NOTCH4: variants seen among roughly 807,000 people sequenced by gnomAD.
NOTCH4 encodes neurogenic locus notch homolog protein 4.
Under a neutral mutation model 189.0 loss-of-function variants are expected in NOTCH4, and 138 were observed. The ratio of observed to expected loss-of-function variants is 0.73; its 90% CI spans 0.64 to 0.84. The LOEUF (loss-of-function observed/expected upper bound fraction) is 0.84. Ranked by LOEUF, NOTCH4 falls within the 40% of genes least tolerant of loss-of-function variation. The pLI is 0.00. For synonymous variants in NOTCH4, 942 were observed against 1,032.8 expected, an observed-to-expected ratio of 0.91 and a Z score of 1.69; for missense variants, 2,286 against 2,605.4, an observed-to-expected ratio of 0.88 and a Z score of 2.67.
Position 32,217,573 on chromosome 6 carries a change from G to A in NOTCH4, c.1625-307C>T, listed in dbSNP as rs1204234896. 3.3e-5 allele frequency among the ~76,000 whole-genome samples: 5 copies of A among 152,228 alleles called. No homozygotes were observed. The highest frequency in any genetic ancestry group is 7.3e-5 in the Non-Finnish European group (5 of 68,040). On this transcript the variant is annotated intron_variant, in intron 9 of 29. Transcript: ENST00000375023. The surrounding 1 kb of genome is among the most constrained non-coding windows in gnomAD (Gnocchi z 4.2). ...GATTAAATGACATAACGCCTGAAAA[G>A]TACTCAGCCAAATGGCTAGCCTGGA... is the stretch of plus-strand genomic sequence containing the variant.
rs1789965672 is a variant in NOTCH4, at chr6:32,223,932, ACAGCCCCTTCTC to A, written c.-16_-5del. 1.3e-6 allele frequency: 2 copies of A among 1,595,566 alleles called. No individual in the cohort carries two copies. Among genetic ancestry groups the A allele is most frequent in the Non-Finnish European group, 1.7e-6 (2 of 1,176,556 alleles). ...GCAGCAGTGAAGGGGGCTGCATTCC[ACAGCCCCTTCTC>A]CAAGCCCCGGTCCCTGTCCCTCTTC... On this transcript the variant is annotated 5_prime_UTR_variant, in exon 1 of 30. Transcript: ENST00000375023.
In NOTCH4 at chr6:32,222,628, C is replaced by T. The variant is rs765988217; in HGVS notation, c.334G>A (p.Glu112Lys). The T allele has an allele frequency of 3.7e-6, 6 of 1,606,470 alleles. No individual in the cohort carries two copies. The highest frequency in any genetic ancestry group is 1.1e-5 in the South Asian group (1 of 90,190). Residue 112 changes from glutamate to lysine, a missense_variant, in exon 3 of 30, where the codon GAG becomes AAG. By Grantham distance (56) the Glu-to-Lys change is moderately conservative (BLOSUM62 1). Coordinates refer to ENST00000375023, the MANE Select transcript of NOTCH4 (RefSeq NM_004557.4). ...LCTCLPGFTG[E>K]RCQAKLEDPC... ...TCTTCAAGCTTGGCCTGGCATCTCT[C>T]ACCAGTGAAGCCAGGGAGGCAAGTG... is the stretch of plus-strand genomic sequence containing the variant.
Position 32,202,753 on chromosome 6 carries a change from G to A in NOTCH4, c.3232-154C>T. On this transcript the variant is annotated intron_variant, in intron 20 of 29. Coordinates refer to ENST00000375023, the MANE Select transcript of NOTCH4 (RefSeq NM_004557.4). The surrounding 1 kb of genome is among the most constrained non-coding windows in gnomAD (Gnocchi z 5.7). ...GCATCAAGTTAATCATTTTGTGGAT[G>A]TTGAAACCATGTCCTGTGGTAATTT... 1.6e-6 allele frequency: 1 copy of A among 635,546 alleles called. No homozygotes were observed. Among genetic ancestry groups the A allele is most frequent in the Non-Finnish European group, 2.6e-6 (1 of 381,176 alleles). 39.4% of individuals were successfully genotyped at this position (635,546 alleles called of 1,614,324 possible). A position where few individuals can be genotyped will look rare whatever the true frequency, so the allele number is the denominator to read the frequency against.
chr6:32,222,441 A>G, intron 3 of NOTCH4, 70 bp downstream of exon 3: 3 of 1,364,822 alleles, frequency 2.2e-6, no homozygotes, highest in Non-Finnish European at 2.9e-6. Flanking sequence ...CTCCAGTTCT[A>G]TCTTCCCCAC....
chr6:32,222,583 A>T lies in NOTCH4; in HGVS notation c.379T>A (p.Cys127Ser). The change falls in exon 3 of 30, where the codon TGT (cysteine) becomes AGT (serine). Residue 127 changes from cysteine (C) to serine (S), a missense_variant. This residue lies in a region of NOTCH4 where 1,903 missense variants were observed against 2,261.9 expected (regional missense o/e 0.84). Coordinates refer to ENST00000375023, the MANE Select transcript of NOTCH4 (RefSeq NM_004557.4). ...KLEDPCPPSF[C>S]SKRGRCHIQA... ...ATGTGGCAGCGGCCCCTTTTGGAAC[A>T]GAAGGAGGGAGGACAAGGGTCTTCA... is the stretch of plus-strand genomic sequence containing the variant. 1 of 1,591,600 alleles carries T rather than the reference A, an allele frequency of 6.3e-7. No individual in the cohort carries two copies. The highest frequency in any genetic ancestry group is 8.5e-7 in the Non-Finnish European group (1 of 1,172,570).
At position 32,201,511 on chromosome 6, in the gene NOTCH4, A is replaced by G. The variant is rs9404991; in HGVS notation, c.3756-11T>C. 7.5e-5 allele frequency: 110 copies of G among 1,468,440 alleles called. No homozygotes were observed. The East Asian group carries it at 2.5e-3, about 34-fold the overall frequency. 91.0% of individuals were successfully genotyped at this position (1,468,440 alleles called of 1,614,324 possible). On this transcript the variant is annotated splice_polypyrimidine_tract_variant and intron_variant, in intron 21 of 29. Transcript: ENST00000375023. This position sits in a 1 kb window ranked among gnomAD's most constrained non-coding sequence, Gnocchi z 5.5. ...TGGTCATAGGCTGGACTGTGGGGTA[A>G]GGAGAGGGGGACTCAGGACCTCCCT...
In NOTCH4 at chr6:32,220,433, G is replaced by A. The variant is rs1789681038; in HGVS notation, c.1131C>T (p.Phe377=). The A allele has an allele frequency of 1.9e-6, 3 of 1,614,106 alleles. No individual in the cohort carries two copies. The highest frequency in any genetic ancestry group is 1.1e-5 in the South Asian group (1 of 91,088). ...GSTCIDRVGS[F]SCLCPPGRTG... ...TGCGTCCAGGTGGGCAGAGGCAGGA[G>A]AAAGAGCCCACCCGGTCAATGCAGG... Residue 377 remains phenylalanine, a synonymous_variant, in exon 6 of 30, where the codon TTC becomes TTT. Coordinates refer to ENST00000375023, the MANE Select transcript of NOTCH4 (RefSeq NM_004557.4).
Position 32,208,741 on chromosome 6 carries a change from G to GA in NOTCH4, c.2865+2010dup, listed in dbSNP as rs1028238475. Among the ~76,000 whole-genome samples the GA allele has an allele frequency of 1.1e-4, 17 of 151,986 alleles. No homozygotes were observed. The East Asian group carries it at 1.5e-3, about 14-fold the overall frequency. On this transcript the variant is annotated intron_variant, in intron 18 of 29. Coordinates refer to ENST00000375023, the MANE Select transcript of NOTCH4 (RefSeq NM_004557.4). ...ACAGCAAGACTCTGTCTCAGAAAAG[G>GA]AAAAAAAATGCAAAAAATAGCAGAT... is the stretch of plus-strand genomic sequence containing the variant.
Position 32,220,447 on chromosome 6 carries a change from G to A in NOTCH4, c.1117C>T (p.Arg373Trp), listed in dbSNP as rs141058087. The change falls in exon 6 of 30, where the codon CGG (arginine) becomes TGG (tryptophan). Residue 373 changes from arginine (R) to tryptophan (W), a missense_variant. Coordinates refer to ENST00000375023, the MANE Select transcript of NOTCH4 (RefSeq NM_004557.4). ...TCAPGSTCID[R>W]VGSFSCLCPP... ...CAGAGGCAGGAGAAAGAGCCCACCC[G>A]GTCAATGCAGGTGGATCCCGGGGCA... 4.2e-5 allele frequency: 68 copies of A among 1,613,848 alleles called. No homozygotes were observed. The African/African-American group carries it at 6.0e-4, about 14-fold the overall frequency.
In NOTCH4 at chr6:32,212,417, G is replaced by C. The variant is rs1789077372; in HGVS notation, c.2680+57C>G. ...TGTGGAAGCCCACAGGAACGGGGCA[G>C]GTGAGAACACCCATATTTTCTTCAT... On this transcript the variant is annotated intron_variant, in intron 17 of 29. Transcript: ENST00000375023. This position sits in a 1 kb window ranked among gnomAD's most constrained non-coding sequence, Gnocchi z 4.4. 6.6e-7 allele frequency: 1 copy of C among 1,521,272 alleles called. No homozygotes were observed. Among genetic ancestry groups the C allele is most frequent in the African/African-American group, 1.4e-5 (1 of 72,592 alleles). 94.2% of individuals were successfully genotyped at this position (1,521,272 alleles called of 1,614,324 possible).
chr6:32,217,218 G>C lies in NOTCH4; in HGVS notation c.1673C>G (p.Ser558Cys). 6.2e-7 allele frequency: 1 copy of C among 1,613,092 alleles called. No individual in the cohort carries two copies. The highest frequency in any genetic ancestry group is 8.5e-7 in the Non-Finnish European group (1 of 1,180,024). ...GCACTGCCCACCATTGGCACAGGGA[G>C]AGCTTCTGCACTCATCGATATCCTC... ...CEEDIDECRS[S>C]PCANGGQCQD... The change falls in exon 10 of 30, where the codon TCT (serine) becomes TGT (cysteine). Residue 558 changes from serine (S) to cysteine (C), a missense_variant. Around this residue, in one of 2 missense-constraint regions of NOTCH4, gnomAD observed 1,903 missense variants for 2,261.9 expected, o/e 0.84. Transcript: ENST00000375023. The surrounding 1 kb of genome is among the most constrained non-coding windows in gnomAD (Gnocchi z 4.2).
chr6:32,211,085 C>A, intron 17 of NOTCH4, 149 bp from the exon 18 acceptor site: 1 of 696,184 alleles, frequency 1.4e-6, no homozygotes, highest in Non-Finnish European at 2.2e-6. Context: ...ATGGGGAAAC[C>A]CCGTCTCTAC....
In NOTCH4 at chr6:32,219,577, C is replaced by T; in HGVS notation, c.1510+15G>A. 6.2e-7 allele frequency: 1 copy of T among 1,610,270 alleles called. No individual in the cohort carries two copies. Among genetic ancestry groups the T allele is most frequent in the South Asian group, 1.1e-5 (1 of 90,540 alleles). On this transcript the variant is annotated intron_variant, in intron 8 of 29. Transcript: ENST00000375023. ...TTCCCTGTTTTCCCCACCCAAGGCC[C>T]CATCCAGCTGATACCTGGCGGGCAG...
At position 32,221,365 on chromosome 6, in the gene NOTCH4, C is replaced by T. The variant is rs376019732; in HGVS notation, c.452-40G>A. 13 of 1,498,518 alleles carry T rather than the reference C, an allele frequency of 8.7e-6. No individual in the cohort carries two copies. Among genetic ancestry groups the T allele is most frequent in the East Asian group, 2.3e-5 (1 of 44,228 alleles). 92.8% of individuals were successfully genotyped at this position (1,498,518 alleles called of 1,614,324 possible). A position where few individuals can be genotyped will look rare whatever the true frequency, so the allele number is the denominator to read the frequency against. ...AGAGGGAGCCGTTTCTAGCATTGTA[C>T]GAATTCTAGCCCATCTGAGGTTACC... is the stretch of plus-strand genomic sequence containing the variant. On this transcript the variant is annotated intron_variant, in intron 3 of 29. Transcript: ENST00000375023. This position sits in a 1 kb window ranked among gnomAD's most constrained non-coding sequence, Gnocchi z 4.3.
rs757464689 is a variant in NOTCH4 at position 32,196,307 on chromosome 6, C to G, written c.5298+17G>C. The G allele has an allele frequency of 6.8e-6, 11 of 1,613,148 alleles. No individual in the cohort carries two copies. The highest frequency in any genetic ancestry group is 9.3e-6 in the Non-Finnish European group (11 of 1,180,040). ...TGCGCCTGACTGTTTTGTGGGAAGC[C>G]CTCTGTCCCATCTAACCCTGTTGTC... On this transcript the variant is annotated intron_variant, in intron 29 of 29. Transcript: ENST00000375023.
rs766115922 is a variant in NOTCH4 at position 32,204,271 on chromosome 6, G to A, written c.2984C>T (p.Pro995Leu). Residue 995 changes from proline (P) to leucine (L), a missense_variant, in exon 19 of 30, where the codon CCT becomes CTT. Pro to Leu is a moderately conservative substitution (Grantham distance 98). Around this residue, in one of 2 missense-constraint regions of NOTCH4, gnomAD observed 1,903 missense variants for 2,261.9 expected, o/e 0.84. Transcript: ENST00000375023. ...PKPGGFHCAC[P>L]PGFVGLRCEG... is the part of the protein sequence containing the mutation. ...ACAGCGTAGCCCCACAAAGCCTGGA[G>A]GGCAGGCACAGTGGAATCCTCCAGG... 2 of 1,613,106 alleles carry A rather than the reference G, an allele frequency of 1.2e-6. No individual in the cohort carries two copies. Among genetic ancestry groups the A allele is most frequent in the Non-Finnish European group, 1.7e-6 (2 of 1,180,040 alleles).
At chr6:32,209,185 C>T (rs1214989311) in intron 18 of NOTCH4, among the ~76,000 whole-genome samples, 1 of 152,176 alleles carries the variant, frequency 6.6e-6, no homozygotes, top group East Asian at 1.9e-4. Flanking sequence ...TCACCTTCAC[C>T]TTTGTGCCAC....
chr6:32,197,497 A>T lies in NOTCH4; in HGVS notation c.4854T>A (p.Pro1618=), dbSNP rs2127461463. ...AWLGCPEPWE[P]LLDGGACPQA... ...GGGGACAGGCCCCTCCATCCAGCAG[A>T]GGTTCCCAGGGCTCAGGACATCCCA... is the stretch of plus-strand genomic sequence containing the variant. The change falls in exon 27 of 30, where the codon CCT becomes CCA. Residue 1618 remains proline (P), a synonymous_variant. Coordinates refer to ENST00000375023, the MANE Select transcript of NOTCH4 (RefSeq NM_004557.4). The T allele has an allele frequency of 6.2e-7, 1 of 1,605,980 alleles. No individual in the cohort carries two copies. Among genetic ancestry groups the T allele is most frequent in the Non-Finnish European group, 8.5e-7 (1 of 1,176,126 alleles).
At chr6:32,207,683 A>G (rs1788773882) in intron 18 of NOTCH4, among the ~76,000 whole-genome samples, 1 of 151,124 alleles carries the variant, frequency 6.6e-6, no homozygotes, top group South Asian at 2.1e-4. Flanking sequence ...CTGTCATCAT[A>G]TACAAAATAG....
Sources: allele counts gnomAD v4.1 joint callset (sites outside exome capture counted in the v4.1 genomes callset), GRCh38; gene constraint gnomAD v4.1.1; regional missense constraint gnomAD v4.1.1; non-coding constraint Gnocchi (gnomAD v3.1); transcripts MANE v1.5; gene names NCBI Gene and HGNC (gene_info 2026-07-23, HGNC 2026-07-21).